Variants in SLC12A9 observed in about 807,000 individuals in gnomAD.
SLC12A9 encodes the protein CCC-interacting protein 1.
A neutral mutation model predicts 66.0 loss-of-function variants in SLC12A9; 55 were observed. The observed-to-expected ratio is 0.83, with a 90% CI of 0.67 to 1.04. The LOEUF is 1.04. Ranked by LOEUF, SLC12A9 falls within the 50% of genes least tolerant of loss-of-function variation. SLC12A9 has a pLI of 0.00. For missense variants in SLC12A9, 1,061 were observed against 1,241.9 expected, an observed-to-expected ratio of 0.85 and a Z score of 2.19; for synonymous variants, 577 against 569.0, an observed-to-expected ratio of 1.01 and a Z score of -0.20.
chr7:100,830,307 C>T (rs140585090), intron 1 of SLC12A9, among the ~76,000 whole-genome samples: 198 of 148,626 alleles, frequency 1.3e-3, no homozygotes, highest in African/African-American at 4.6e-3. Context: ...GAGCTGAAAT[C>T]GTGCCACTGC....
upstream of SLC12A9, among the ~76,000 whole-genome samples, chr7:100,848,043 A>G (rs970258939): frequency 1.4e-5 from 2 of 140,430 alleles, no homozygotes; most frequent in Non-Finnish European, 3.0e-5. Flanking sequence ...CAGAGCTCTC[A>G]CCACTGCACT....
rs1814732272 is a variant in SLC12A9 at position 100,861,257 on chromosome 7, C to A, written c.1338C>A (p.Asn446Lys). The A allele has an allele frequency of 2.5e-6, 4 of 1,614,104 alleles. No homozygotes were observed. In the African/African-American group the frequency reaches 5.3e-5, roughly 22 times the overall value. ...GCCTGGAGTGGGCCTCGGCCCCCAACTTCCGGTGAGAGACTCAGATCTGTG... is the reference window on the plus strand; with the variant it reads ...GCCTGGAGTGGGCCTCGGCCCCCAAATTCCGGTGAGAGACTCAGATCTGTG... ...CLSLEWASAP[N>K]FRPTFSLFSW... The change falls in exon 10 of 14, where the codon AAC becomes AAA. Residue 446 changes from asparagine (N) to lysine (K), a missense_variant. Coordinates refer to ENST00000354161, the MANE Select transcript of SLC12A9 (RefSeq NM_020246.4). The surrounding 1 kb of genome is among the most constrained non-coding windows in gnomAD (Gnocchi z 5.3).
At chr7:100,851,417 C>T (rs891278651), upstream of SLC12A9, among the ~76,000 whole-genome samples, 7 of 151,306 alleles carry the variant, frequency 4.6e-5, no homozygotes, top group African/African-American at 1.7e-4. Context: ...CTAACTGACC[C>T]TGAAAAAGTT....
chr7:100,838,926 C>T (rs1461381350), intron 1 of SLC12A9, among the ~76,000 whole-genome samples: 4 of 152,022 alleles, frequency 2.6e-5, no homozygotes, highest in Non-Finnish European at 5.9e-5. Context: ...TGTTTTGTTC[C>T]GATCTAATTA....
At position 100,866,274 on chromosome 7, in the gene SLC12A9, A is replaced by G; in HGVS notation, c.2414A>G (p.Glu805Gly). ...GAGGTGCAGGAGGTGGTGTGGGGCG[A>G]GGGGGCCGGGGCTGGGGAACCCGAG... ...RAEVQEVVWG[E>G]GAGAGEPEAE... is the part of the protein sequence containing the mutation. Residue 805 changes from glutamate (E) to glycine (G), a missense_variant, in exon 14 of 14, where the codon GAG becomes GGG. Physicochemically the swap from Glu to Gly is moderately conservative, Grantham distance 98. Transcript: ENST00000354161. The surrounding 1 kb of genome is among the most constrained non-coding windows in gnomAD (Gnocchi z 7.3). 1.6e-5 allele frequency: 16 copies of G among 1,006,440 alleles called. No homozygotes were observed. The highest frequency in any genetic ancestry group is 2.1e-5 in the Non-Finnish European group (15 of 718,274). 62.3% of individuals were successfully genotyped at this position (1,006,440 alleles called of 1,614,324 possible). A position where few individuals can be genotyped will look rare whatever the true frequency, so the allele number is the denominator to read the frequency against.
intron 1 of SLC12A9, among the ~76,000 whole-genome samples, chr7:100,844,221 A>G (rs1813854479): frequency 1.3e-5 from 2 of 152,174 alleles, no homozygotes; most frequent in Non-Finnish European, 2.9e-5. Context: ...AGTTATTATA[A>G]GTGTACTAGA....
intron 9 of SLC12A9, chr7:100,860,539 C>T: frequency 2.5e-6 from 1 of 407,484 alleles, no homozygotes; most frequent in Non-Finnish European, 4.5e-6. Flanking sequence ...TTCACTGGCA[C>T]TTTGTGGGGT....
Position 100,866,311 on chromosome 7 carries a change from A to T in SLC12A9, c.2451A>T (p.Glu817Asp). The change falls in exon 14 of 14, where the codon GAA (glutamate) becomes GAT (aspartate). Residue 817 changes from glutamate (E) to aspartate (D), a missense_variant. Glu to Asp is a conservative substitution (Grantham distance 45, BLOSUM62 2). Coordinates refer to ENST00000354161, the MANE Select transcript of SLC12A9 (RefSeq NM_020246.4). This position sits in a 1 kb window ranked among gnomAD's most constrained non-coding sequence, Gnocchi z 7.3. ...CTGGGGAACCCGAGGCGGAGGAGGA[A>T]GGGGACTTTGTGAACAGTGGGCGGG... The part of the protein sequence containing the change: ...AGAGEPEAEE[E>D]GDFVNSGRGD... The T allele has an allele frequency of 1.3e-6, 2 of 1,513,526 alleles. No individual in the cohort carries two copies. The highest frequency in any genetic ancestry group is 1.8e-6 in the Non-Finnish European group (2 of 1,128,462). The allele number at this position is 1,513,526 out of a possible 1,614,324, so 93.8% of individuals were successfully genotyped here. A position where few individuals can be genotyped will look rare whatever the true frequency, so the allele number is the denominator to read the frequency against.
intron 1 of SLC12A9, among the ~76,000 whole-genome samples, chr7:100,840,611 G>C (rs1813765739): frequency 6.6e-6 from 1 of 152,022 alleles, no homozygotes; most frequent in African/African-American, 2.4e-5. Context: ...AAGAGACAGA[G>C]AGGAAAAGAC....
chr7:100,832,524 T>G (rs2116494553), intron 1 of SLC12A9, among the ~76,000 whole-genome samples: 1 of 152,092 alleles, frequency 6.6e-6, no homozygotes, highest in Admixed American at 6.6e-5. Flanking sequence ...AAGCAAAAAT[T>G]AATCAGCCAT....
chr7:100,859,288 C>T (rs1160678214), intron 7 of SLC12A9, 127 bp downstream of exon 7: 6 of 845,528 alleles, frequency 7.1e-6, no homozygotes, highest in African/African-American at 1.7e-5. Context: ...TGGCTACCGG[C>T]GATTGACAAC....
chr7:100,827,206 C>T, intron 1 of SLC12A9: 2 of 423,238 alleles, frequency 4.7e-6, no homozygotes, highest in South Asian at 8.2e-5. Context: ...AAGTGTGGCC[C>T]CGCGTCTGTG....
chr7:100,832,597 G>C (rs2116494784), intron 1 of SLC12A9, among the ~76,000 whole-genome samples: 1 of 152,254 alleles, frequency 6.6e-6, no homozygotes, highest in East Asian at 1.9e-4. Context: ...TGAAGAGATG[G>C]TCAAAGAGTA....
At chr7:100,832,860 C>T (rs1010679910) in intron 1 of SLC12A9, among the ~76,000 whole-genome samples, 1 of 151,936 alleles carries the variant, frequency 6.6e-6, no homozygotes, top group Non-Finnish European at 1.5e-5. Context: ...ACTGCAGCCT[C>T]GAACTCCCAG....
chr7:100,844,219 T>C (rs1813854393), intron 1 of SLC12A9, among the ~76,000 whole-genome samples: 1 of 152,212 alleles, frequency 6.6e-6, no homozygotes, highest in South Asian at 2.1e-4. Flanking sequence ...ACAGTTATTA[T>C]AAGTGTACTA....
exon 1 of SLC12A9, chr7:100,826,894 G>C: frequency 2.7e-6 from 4 of 1,476,404 alleles, no homozygotes; most frequent in Non-Finnish European, 3.7e-6. Flanking sequence ...GTAGTCAGAG[G>C]CCGGCCCCTC....
chr7:100,865,201 A>G lies in SLC12A9; in HGVS notation c.1859-518A>G, dbSNP rs969189085. 1.2e-5 allele frequency: 18 copies of G among 1,479,414 alleles called. 1 individual carries two copies. In the South Asian group the frequency reaches 1.9e-4, roughly 16 times the overall value. The allele number at this position is 1,479,414 out of a possible 1,614,324, so 91.6% of individuals were successfully genotyped here. On this transcript the variant is annotated intron_variant, in intron 13 of 13. Coordinates refer to ENST00000354161, the MANE Select transcript of SLC12A9 (RefSeq NM_020246.4). ...TCAAACTCCTGATCTCAGGTGATCA[A>G]CGTGCCTCAGCTTCCCAAGATGCTG...
intron 4 of SLC12A9, 187 bp downstream of exon 4, chr7:100,856,024 A>C: frequency 2.3e-6 from 2 of 859,836 alleles, no homozygotes; most frequent in Non-Finnish European, 3.3e-6. Flanking sequence ...CCTTGCCTGC[A>C]GGGAGCTAAC....
chr7:100,837,535 G>A (rs117941673), intron 1 of SLC12A9: 9,309 of 152,340 alleles, frequency 0.061, 417 homozygotes, highest in Middle Eastern at 0.17. Flanking sequence ...GCACGCCCCA[G>A]GCCTCCGACT....
Sources: allele counts gnomAD v4.1 joint callset (sites outside exome capture counted in the v4.1 genomes callset), GRCh38; gene constraint gnomAD v4.1.1; non-coding constraint Gnocchi (gnomAD v3.1); transcripts MANE v1.5; gene names NCBI Gene and HGNC (gene_info 2026-07-23, HGNC 2026-07-21).